The following TEC variants were observed in gnomAD, a reference collection of about 807,000 sequenced individuals.
TEC encodes tyrosine-protein kinase Tec.
Under a neutral mutation model 93.0 loss-of-function variants are expected in TEC, and 72 were observed. That is an observed-to-expected ratio of 0.77 (90% confidence interval 0.64 to 0.94). The LOEUF is 0.94. TEC is among the 40% of genes least tolerant of loss of function. The pLI is 0.00. For synonymous variants in TEC, 249 were observed against 247.7 expected (o/e 1.01, Z -0.05); for missense variants, 630 against 757.9 (o/e 0.83, Z 1.98).
chr4:48,176,417 C>G (rs1233561126), intron 2 of TEC, among the ~76,000 whole-genome samples: 1 of 151,948 alleles, frequency 6.6e-6, no homozygotes, highest in African/African-American at 2.4e-5. Context: ...CTGTCCTGCC[C>G]CCCCAAAAAA....
At chr4:48,246,097 G>A (rs1724047382) in intron 1 of TEC, among the ~76,000 whole-genome samples, 1 of 152,034 alleles carries the variant, frequency 6.6e-6, no homozygotes, top group African/African-American at 2.4e-5. Context: ...TAACAAGAGT[G>A]ATACTCCATC....
intron 12 of TEC, among the ~76,000 whole-genome samples, chr4:48,145,976 A>G (rs1719890829): frequency 6.6e-6 from 1 of 152,192 alleles, no homozygotes; most frequent in African/African-American, 2.4e-5. Flanking sequence ...CTTTTGCCAG[A>G]AGCAACAAAG....
At chr4:48,212,110 A>AAATATATATATATAT in intron 2 of TEC, among the ~76,000 whole-genome samples, 2 of 122,264 alleles carry the variant, frequency 1.6e-5, no homozygotes, top group African/African-American at 6.0e-5. Flanking sequence ...AAAAAAAAAA[A>AAATATATATATATAT]ATATATATAT....
rs907574224 is a variant in TEC at position 48,138,754 on chromosome 4, C to T, written c.1723G>A (p.Val575Ile). Residue 575 changes from valine (V) to isoleucine (I), a missense_variant, in exon 17 of 18, where the codon GTA (valine) becomes ATA (isoleucine). By Grantham distance (29) the Val-to-Ile change is conservative (BLOSUM62 3). Around this residue, in one of 3 missense-constraint regions of TEC, gnomAD observed 289 missense variants for 390.0 expected, o/e 0.74. Coordinates refer to ENST00000381501, the MANE Select transcript of TEC (RefSeq NM_003215.3). Reference sequence around the variant, plus strand: ...CGGTGGCCTCGAGTAACCATGGTTACCACTTCATAATTGGTGTATTTTTCA... The same window carrying T: ...CGGTGGCCTCGAGTAACCATGGTTATCACTTCATAATTGGTGTATTTTTCA... ...PFEKYTNYEV[V>I]TMVTRGHRLY... is the part of the protein sequence containing the mutation. 3.1e-6 allele frequency: 5 copies of T among 1,614,064 alleles called. No individual in the cohort carries two copies. Among genetic ancestry groups the T allele is most frequent in the Non-Finnish European group, 4.2e-6 (5 of 1,180,014 alleles).
In TEC at chr4:48,145,191, A is replaced by G. The variant is rs1719852671; in HGVS notation, c.1358T>C (p.Phe453Ser). The change falls in exon 14 of 18, where the codon TTC (phenylalanine) becomes TCC (serine). Residue 453 changes from phenylalanine to serine, a missense_variant. By Grantham distance (155) the Phe-to-Ser change is radical. Coordinates refer to ENST00000381501, the MANE Select transcript of TEC (RefSeq NM_003215.3). The part of the protein sequence containing the change: ...EFMERGCLLN[F>S]LRQRQGHFSR... ...GAAATGACCTTGTCTCTGTCGGAGG[A>G]AATTCAGAAGGCAGCCCCTTTCCAT... 1 of 1,614,066 alleles carries G rather than the reference A, an allele frequency of 6.2e-7. No homozygotes were observed. The highest frequency in any genetic ancestry group is 1.3e-5 in the African/African-American group (1 of 74,932).
intron 9 of TEC, among the ~76,000 whole-genome samples, chr4:48,155,476 C>A (rs1577705392): frequency 6.6e-6 from 1 of 152,202 alleles, no homozygotes; most frequent in African/African-American, 2.4e-5. Flanking sequence ...AGAACTTCTA[C>A]TAGACGGGCA....
chr4:48,201,089 G>A (rs1263380238), intron 2 of TEC, among the ~76,000 whole-genome samples: 4 of 152,212 alleles, frequency 2.6e-5, no homozygotes, highest in Non-Finnish European at 5.9e-5. Context: ...TGGTGGCACA[G>A]ATGGGAGGAG....
At chr4:48,138,545 T>C in intron 17 of TEC, 120 bp downstream of exon 17, 1 of 1,201,786 alleles carries the variant, frequency 8.3e-7, no homozygotes, top group Non-Finnish European at 1.2e-6. Context: ...GCTTCCTACC[T>C]AGAGCTTGAA....
chr4:48,165,385 G>T (rs555458732), intron 7 of TEC, among the ~76,000 whole-genome samples: 1 of 152,170 alleles, frequency 6.6e-6, no homozygotes, highest in African/African-American at 2.4e-5. Flanking sequence ...ATATGAGGCA[G>T]TTCTTCTTTA....
intron 3 of TEC, among the ~76,000 whole-genome samples, chr4:48,172,271 T>A (rs56401019): frequency 0.38 from 57,546 of 151,902 alleles, 11,902 homozygotes; most frequent in East Asian, 0.9. Flanking sequence ...AAGGCAGAAA[T>A]CTGTTTAGAC....
At chr4:48,180,410 A>T (rs1577727828) in intron 2 of TEC, among the ~76,000 whole-genome samples, 1 of 152,114 alleles carries the variant, frequency 6.6e-6, no homozygotes, top group East Asian at 1.9e-4. Flanking sequence ...CTTCAAGAGG[A>T]TTTCATAATA....
chr4:48,208,207 G>A (rs985036340), intron 2 of TEC, among the ~76,000 whole-genome samples: 2 of 152,106 alleles, frequency 1.3e-5, no homozygotes, highest in Non-Finnish European at 2.9e-5. Context: ...TTCTCCATCT[G>A]AGAATCATAA....
At chr4:48,262,037 T>C (rs1199105500) in intron 1 of TEC, among the ~76,000 whole-genome samples, 1 of 152,066 alleles carries the variant, frequency 6.6e-6, no homozygotes, top group East Asian at 1.9e-4. Flanking sequence ...ATGTTTTCAG[T>C]GAAGAATATT....
At chr4:48,231,513 T>C (rs1414421464) in intron 1 of TEC, among the ~76,000 whole-genome samples, 2 of 152,104 alleles carry the variant, frequency 1.3e-5, no homozygotes, top group African/African-American at 4.8e-5. Context: ...TCCCAGCACT[T>C]TGGGAGGCCG....
intron 1 of TEC, among the ~76,000 whole-genome samples, chr4:48,253,708 G>A (rs1248391632): frequency 6.6e-6 from 1 of 151,660 alleles, no homozygotes; most frequent in Non-Finnish European, 1.5e-5. Context: ...CCGAGTAGCT[G>A]GGACCACAGG....
At chr4:48,177,720 C>T (rs1577724657) in intron 2 of TEC, among the ~76,000 whole-genome samples, 2 of 152,218 alleles carry the variant, frequency 1.3e-5, no homozygotes, top group African/African-American at 4.8e-5. Context: ...ATTGTAATCC[C>T]TACAATCCCC....
chr4:48,219,617 G>A (rs1319118138), intron 2 of TEC, among the ~76,000 whole-genome samples: 7 of 152,136 alleles, frequency 4.6e-5, no homozygotes, highest in African/African-American at 1.4e-4. Context: ...AGAAGAAAAC[G>A]CTGACGTATG....
Position 48,136,004 on chromosome 4 carries a change from G to GC in TEC, c.*1411dup, listed in dbSNP as rs1459227324. The GC allele has an allele frequency of 2.0e-5, 3 of 152,214 alleles. No individual in the cohort carries two copies. The highest frequency in any genetic ancestry group is 7.2e-5 in the African/African-American group (3 of 41,454). The allele number at this position is 152,214 out of a possible 1,614,324, so 9.4% of individuals were successfully genotyped here. A position where few individuals can be genotyped will look rare whatever the true frequency, so the allele number is the denominator to read the frequency against. On this transcript the variant is annotated 3_prime_UTR_variant, in exon 18 of 18. Transcript: ENST00000381501. ...GACCATCGTGGCCTGCAGAGGAGAC[G>GC]CAACTCCTGAAGGGAAGGCGCTGTG...
intron 2 of TEC, among the ~76,000 whole-genome samples, chr4:48,189,204 G>A (rs572925629): frequency 6.6e-6 from 1 of 152,138 alleles, no homozygotes; most frequent in Non-Finnish European, 1.5e-5. Context: ...GGCAACACTG[G>A]CTGAAATTAT....
Sources: gnomAD v4.1 joint callset for allele counts (sites outside exome capture counted in the v4.1 genomes callset) on GRCh38, gnomAD v4.1.1 for gene constraint, gnomAD v4.1.1 regional missense constraint, MANE v1.5 for transcripts, NCBI Gene and HGNC (gene_info 2026-07-23, HGNC 2026-07-21) for gene names.